The following SOX5 variants were observed in gnomAD, a reference collection of about 807,000 sequenced individuals.
The protein encoded by SOX5 is SRY-box transcription factor 5.
SOX5 carries 9 observed loss-of-function variants against 92.0 expected under a neutral mutation model. The observed-to-expected ratio is 0.10, with a 90% CI of 0.06 to 0.17. The LOEUF (loss-of-function observed/expected upper bound fraction) is 0.17. SOX5 is among the 10% of genes least tolerant of loss of function. The pLI, the probability that SOX5 is intolerant of heterozygous loss-of-function variation, is 1.00. For missense variants in SOX5, 642 were observed against 944.5 expected (o/e 0.68, Z 4.20); for synonymous variants, 344 against 336.3 (o/e 1.02, Z -0.25).
At chr12:24,008,699 T>C (rs1357205276) in intron 4 of SOX5, among the ~76,000 whole-genome samples, 1 of 152,134 alleles carries the variant, frequency 6.6e-6, no homozygotes, top group Non-Finnish European at 1.5e-5. Flanking sequence ...AACTTGCAGG[T>C]AAATTCCTAT....
At chr12:24,082,640 CAG>C (rs1170352974) in intron 4 of SOX5, among the ~76,000 whole-genome samples, 2 of 151,640 alleles carry the variant, frequency 1.3e-5, no homozygotes, top group Non-Finnish European at 2.9e-5. Flanking sequence ...TGGAGCTGCA[CAG>C]AGACTTGTTT....
intron 4 of SOX5, among the ~76,000 whole-genome samples, chr12:24,102,134 T>G (rs1946162966): frequency 6.6e-6 from 1 of 152,160 alleles, no homozygotes; most frequent in Non-Finnish European, 1.5e-5. Flanking sequence ...TCAGGCACAG[T>G]TAGTACAATA....
intron 4 of SOX5, among the ~76,000 whole-genome samples, chr12:24,096,165 C>A (rs1436350541): frequency 6.6e-6 from 1 of 152,120 alleles, no homozygotes; most frequent in African/African-American, 2.4e-5. Context: ...ATGTGCAGAA[C>A]ATGCAGGTTT....
chr12:23,662,403 G>T (rs2083187453), intron 7 of SOX5, among the ~76,000 whole-genome samples: 1 of 152,126 alleles, frequency 6.6e-6, no homozygotes, highest in Admixed American at 6.6e-5. Flanking sequence ...TCATGGAAAA[G>T]AATGGACAGC....
chr12:23,629,438 T>C (rs752521720), intron 8 of SOX5, among the ~76,000 whole-genome samples: 3 of 152,084 alleles, frequency 2.0e-5, no homozygotes, highest in Non-Finnish European at 2.9e-5. Context: ...AATATCTGTT[T>C]TAGCCAGGTC....
At chr12:23,852,875 C>A (rs1321465462) in intron 2 of SOX5, among the ~76,000 whole-genome samples, 2 of 151,876 alleles carry the variant, frequency 1.3e-5, no homozygotes, top group Non-Finnish European at 2.9e-5. Context: ...AGTTAACAAG[C>A]CTTCCATGTG....
At chr12:23,764,294 T>C (rs1024789630) in intron 3 of SOX5, among the ~76,000 whole-genome samples, 5 of 152,234 alleles carry the variant, frequency 3.3e-5, no homozygotes, top group Admixed American at 1.3e-4. Flanking sequence ...TTATTTTCCA[T>C]ATATTCCATT....
intron 4 of SOX5, among the ~76,000 whole-genome samples, chr12:24,131,381 G>A (rs1460959004): frequency 6.6e-6 from 1 of 152,120 alleles, no homozygotes; most frequent in Non-Finnish European, 1.5e-5. Context: ...TTTGACATTA[G>A]ACTGGGAGTT....
At chr12:23,656,104 A>C (rs1593000742) in intron 7 of SOX5, among the ~76,000 whole-genome samples, 1 of 152,110 alleles carries the variant, frequency 6.6e-6, no homozygotes, top group Non-Finnish European at 1.5e-5. Flanking sequence ...AAACAGGGAG[A>C]GCAAGATGAC....
At chr12:24,127,995 G>T (rs1949277528) in intron 4 of SOX5, among the ~76,000 whole-genome samples, 1 of 152,150 alleles carries the variant, frequency 6.6e-6, no homozygotes, top group Non-Finnish European at 1.5e-5. Flanking sequence ...TCTTTCTTAT[G>T]AGTAATGTTT....
Position 23,667,789 on chromosome 12 carries a change from G to C in SOX5, c.811-2225C>G, listed in dbSNP as rs560516921. On this transcript the variant is annotated intron_variant, in intron 6 of 14. Transcript: ENST00000451604. ...GATTGGTTTTTATTAGACCATCATA[G>C]AACAGACTGTAGAGTACTGTACTAT... Among the ~76,000 whole-genome samples, 8 of 152,230 alleles carry C rather than the reference G, an allele frequency of 5.3e-5. No homozygotes were observed. The South Asian group carries it at 1.7e-3, about 32-fold the overall frequency.
At chr12:24,462,430 T>C (rs551268458) in intron 1 of SOX5, among the ~76,000 whole-genome samples, 1 of 152,336 alleles carries the variant, frequency 6.6e-6, no homozygotes, top group East Asian at 1.9e-4. Context: ...ATATTCATGA[T>C]ATTATTGTCA....
chr12:24,227,052 C>T (rs1254632753), intron 3 of SOX5: 1 of 152,222 alleles, frequency 6.6e-6, no homozygotes. Context: ...ACCACCTTTC[C>T]TGCAGTTCCT....
At chr12:24,048,891 A>T (rs1344096574) in intron 4 of SOX5, among the ~76,000 whole-genome samples, 1 of 152,192 alleles carries the variant, frequency 6.6e-6, no homozygotes, top group Non-Finnish European at 1.5e-5. Context: ...ACTGTTAATA[A>T]GCATGGGATT....
At chr12:24,035,153 T>G (rs77673949) in intron 4 of SOX5, among the ~76,000 whole-genome samples, 7,780 of 152,220 alleles carry the variant, frequency 0.051, 230 homozygotes, top group African/African-American at 0.073. Context: ...GAGCATGTTT[T>G]AAGTGACACT....
chr12:24,496,397 T>A (rs1240822923), intron 1 of SOX5, among the ~76,000 whole-genome samples: 1 of 152,178 alleles, frequency 6.6e-6, no homozygotes, highest in East Asian at 1.9e-4. Flanking sequence ...CATTTTTTAG[T>A]TGAAAATTAA....
Position 23,993,912 on chromosome 12 carries a change from T to TATGTATGC in SOX5, c.-1-97889_-1-97888insGCATACAT, listed in dbSNP as rs1211775257. On this transcript the variant is annotated intron_variant, in intron 4 of 4. Coordinates refer to the SOX5 transcript ENST00000446891. Reference sequence around the variant, plus strand: ...GTATGTATGTATGTATGTATGTATGTATGCATGTATGCATGTATGTGTGTA... The same window carrying TATGTATGC: ...GTATGTATGTATGTATGTATGTATGTATGTATGCATGCATGTATGCATGTATGTGTGTA... 1.1e-4 allele frequency among the ~76,000 whole-genome samples: 17 copies of TATGTATGC among 148,338 alleles called. 1 individual carries two copies. The highest frequency in any genetic ancestry group is 2.1e-4 in the South Asian group (1 of 4,684).
chr12:24,418,922 A>G (rs1479839342), intron 1 of SOX5, among the ~76,000 whole-genome samples: 1 of 152,238 alleles, frequency 6.6e-6, no homozygotes, highest in African/African-American at 2.4e-5. Flanking sequence ...GATCCATTTC[A>G]GATCAGTAGA....
chr12:23,561,914 A>T (rs1946278179), intron 11 of SOX5, among the ~76,000 whole-genome samples: 1 of 151,994 alleles, frequency 6.6e-6, no homozygotes, highest in Admixed American at 6.6e-5. Flanking sequence ...CAATTTAGCT[A>T]TGCTTGCGAG....
Sources: allele counts gnomAD v4.1 joint callset (sites outside exome capture counted in the v4.1 genomes callset), GRCh38; gene constraint gnomAD v4.1.1; transcripts MANE v1.5; gene names NCBI Gene and HGNC (gene_info 2026-07-23, HGNC 2026-07-21).